The following CTNNA3 variants were observed in gnomAD, a reference collection of about 807,000 sequenced individuals.
CTNNA3 encodes the protein catenin alpha 3.
A neutral mutation model predicts 95.7 loss-of-function variants in CTNNA3; 76 were observed. The observed-to-expected ratio is 0.79, with a 90% CI of 0.66 to 0.96. The LOEUF (loss-of-function observed/expected upper bound fraction) is 0.96. Ranked by LOEUF, CTNNA3 falls within the 40% of genes least tolerant of loss-of-function variation. CTNNA3 has a pLI of 0.00. For synonymous variants in CTNNA3, 431 were observed against 374.4 expected (o/e 1.15, Z -1.74); for missense variants, 1,191 against 1,089.8 (o/e 1.09, Z -1.31).
intron 7 of CTNNA3, among the ~76,000 whole-genome samples, chr10:66,786,855 TC>T (rs2132864155): frequency 6.6e-6 from 1 of 152,182 alleles, no homozygotes; most frequent in East Asian, 1.9e-4. Context: ...ACAGTGGTGT[TC>T]AAGTCAGTTA....
intron 16 of CTNNA3, among the ~76,000 whole-genome samples, chr10:65,988,058 A>C (rs1214635083): frequency 1.3e-5 from 2 of 152,094 alleles, no homozygotes; most frequent in African/African-American, 4.8e-5. Context: ...AGATAAAAAT[A>C]AGTTGGTTAA....
At chr10:66,435,485 T>C (rs1312221820) in intron 11 of CTNNA3, among the ~76,000 whole-genome samples, 1 of 152,124 alleles carries the variant, frequency 6.6e-6, no homozygotes, top group South Asian at 2.1e-4. Context: ...TATAGTATTC[T>C]CTGATGGTAG....
chr10:66,953,775 A>G (rs1010683375), intron 7 of CTNNA3, among the ~76,000 whole-genome samples: 3 of 151,404 alleles, frequency 2.0e-5, no homozygotes, highest in African/African-American at 4.8e-5. Flanking sequence ...ATTAGATGAT[A>G]TAAGTTTTAT....
intron 5 of CTNNA3, among the ~76,000 whole-genome samples, chr10:67,408,017 A>T (rs943740462): frequency 1.3e-5 from 2 of 152,160 alleles, no homozygotes; most frequent in Non-Finnish European, 2.9e-5. Flanking sequence ...TAAAATACCT[A>T]GGAATAGAGC....
intron 11 of CTNNA3, among the ~76,000 whole-genome samples, chr10:66,482,983 C>T (rs139615867): frequency 1.2e-3 from 185 of 152,258 alleles, no homozygotes; most frequent in African/African-American, 3.9e-3. Flanking sequence ...CTCATGATGA[C>T]CAGCATCCAG....
At chr10:66,134,002 A>G (rs765031695) in intron 13 of CTNNA3, among the ~76,000 whole-genome samples, 11 of 152,202 alleles carry the variant, frequency 7.2e-5, no homozygotes, top group Admixed American at 5.2e-4. Flanking sequence ...AATGCAATGA[A>G]ATAAAAGATT....
intron 5 of CTNNA3, among the ~76,000 whole-genome samples, chr10:67,409,298 C>T (rs563693743): frequency 3.9e-4 from 60 of 152,146 alleles, no homozygotes; most frequent in Admixed American, 1.2e-3. Context: ...ATGTTTATTG[C>T]GGCACTATTC....
chr10:66,966,013 G>T (rs1849392399), intron 7 of CTNNA3, among the ~76,000 whole-genome samples: 1 of 152,204 alleles, frequency 6.6e-6, no homozygotes, highest in Admixed American at 6.5e-5. Context: ...TAGAACTGTA[G>T]TCAGGACTTA....
intron 7 of CTNNA3, among the ~76,000 whole-genome samples, chr10:66,829,537 C>G (rs1237609892): frequency 6.6e-6 from 1 of 151,058 alleles, no homozygotes; most frequent in Non-Finnish European, 1.5e-5. Flanking sequence ...TGCTTAAACC[C>G]GGGAGGCAGA....
chr10:66,969,302 C>T (rs1458535309), intron 7 of CTNNA3, among the ~76,000 whole-genome samples: 1 of 152,026 alleles, frequency 6.6e-6, no homozygotes, highest in African/African-American at 2.4e-5. Context: ...TATAACTTAT[C>T]ATTACATTGT....
chr10:67,588,999 C>T lies in CTNNA3; in HGVS notation c.292+17858G>A, dbSNP rs376445946. Among the ~76,000 whole-genome samples the T allele has an allele frequency of 2.6e-4, 40 of 151,670 alleles. No homozygotes were observed. In the South Asian group the frequency reaches 7.7e-3, roughly 29 times the overall value. On this transcript the variant is annotated intron_variant, in intron 3 of 17. Transcript: ENST00000433211. ...GCCTTATCTATCTAGTTGACTTTTG[C>T]GAGCCCAGCATATATAACAGAGCCT...
intron 7 of CTNNA3, among the ~76,000 whole-genome samples, chr10:66,799,610 A>T (rs1841349724): frequency 6.6e-6 from 1 of 151,574 alleles, no homozygotes; most frequent in African/African-American, 2.4e-5. Context: ...CATTAGAGAA[A>T]TGTGGGACAC....
intron 7 of CTNNA3, among the ~76,000 whole-genome samples, chr10:66,857,375 G>A (rs987404262): frequency 3.6e-5 from 5 of 137,372 alleles, no homozygotes; most frequent in Admixed American, 1.6e-4. Flanking sequence ...GTACTGCCTT[G>A]GCTATTTGGA....
intron 13 of CTNNA3, among the ~76,000 whole-genome samples, chr10:66,180,204 T>C (rs931985121): frequency 4.6e-5 from 7 of 152,176 alleles, no homozygotes; most frequent in Non-Finnish European, 5.9e-5. Flanking sequence ...TCACTGTTAG[T>C]TCTTTAGAAA....
At chr10:66,561,370 G>A (rs768501972) in intron 10 of CTNNA3, among the ~76,000 whole-genome samples, 27 of 152,124 alleles carry the variant, frequency 1.8e-4, no homozygotes, top group African/African-American at 3.6e-4. Flanking sequence ...AATGTTTACC[G>A]TGTGCCAGAC....
rs556134768 is a variant in CTNNA3, at chr10:67,183,433, G to A, written c.844-2913C>T. On this transcript the variant is annotated intron_variant, in intron 6 of 17. Coordinates refer to ENST00000433211, the MANE Select transcript of CTNNA3 (RefSeq NM_013266.4). ...AAACCATCATTGTCAGCAAACTATC[G>A]CAAGGACAAAAAACCAAACACCGCA... 2.0e-3 allele frequency among the ~76,000 whole-genome samples: 302 copies of A among 151,878 alleles called. 2 individuals carry two copies. Among genetic ancestry groups the A allele is most frequent in the African/African-American group, 6.9e-3 (284 of 41,424 alleles).
chr10:66,320,215 C>G (rs887677640), intron 12 of CTNNA3, among the ~76,000 whole-genome samples: 2 of 152,032 alleles, frequency 1.3e-5, no homozygotes, highest in Admixed American at 6.6e-5. Context: ...CAGTTATTCT[C>G]CTGCTGGCTT....
intron 12 of CTNNA3, among the ~76,000 whole-genome samples, chr10:66,331,338 GTTTGTTTTT>G (rs2092326816): frequency 2.6e-5 from 1 of 39,116 alleles, no homozygotes; most frequent in African/African-American, 7.2e-5. Flanking sequence ...TTTCCCCATT[GTTTGTTTTT>G]TTTTTTTTTT....
At chr10:66,574,736 G>A (rs1171450439) in intron 10 of CTNNA3, among the ~76,000 whole-genome samples, 3 of 152,078 alleles carry the variant, frequency 2.0e-5, no homozygotes, top group Non-Finnish European at 4.4e-5. Context: ...CTTCCTGTAA[G>A]TGTAACAGTT....
Sources: gnomAD v4.1 joint callset for allele counts (sites outside exome capture counted in the v4.1 genomes callset) on GRCh38, gnomAD v4.1.1 for gene constraint, MANE v1.5 for transcripts, NCBI Gene and HGNC (gene_info 2026-07-23, HGNC 2026-07-21) for gene names.